SMPX: variants seen among roughly 807,000 people sequenced by gnomAD.
SMPX encodes the protein small muscle protein X-linked.
In SMPX, 2 loss-of-function variants were observed where a neutral mutation model predicts 6.3. The ratio of observed to expected loss-of-function variants is 0.32; its 90% confidence interval spans 0.13 to 0.99. The LOEUF (loss-of-function observed/expected upper bound fraction) is 0.99. Among genes scored for constraint, SMPX ranks in the 50% least tolerant of loss-of-function variants. The probability of loss-of-function intolerance (pLI) is 0.49; values close to 1 mark genes in which losing one functional copy is unlikely to be tolerated. For synonymous variants in SMPX, 32 were observed against 24.7 expected (o/e 1.30, Z -0.88); for missense variants, 60 against 66.8 (o/e 0.90, Z 0.36).
chrX:21,732,297 C>T (rs193009884), intron 4 of SMPX, among the ~76,000 whole-genome samples: 2 of 112,386 alleles, frequency 1.8e-5, no homozygotes, highest in Admixed American at 9.4e-5. Context: ...CTGGTTTACA[C>T]GTCTTTCTCC....
rs200226400 is a variant in SMPX, at chrX:21,731,707, TATGTGTATATGTACACATTA to T, written c.*14+5822_*14+5841del. Among the ~76,000 whole-genome samples the T allele has an allele frequency of 2.0e-3, 205 of 102,361 alleles. 2 individuals carry two copies. The highest frequency in any genetic ancestry group is 0.011 in the Middle Eastern group (2 of 178). 88.9% of individuals were successfully genotyped at this position (102,361 alleles called of 115,157 possible). A position where few individuals can be genotyped will look rare whatever the true frequency, so the allele number is the denominator to read the frequency against. On this transcript the variant is annotated intron_variant, in intron 4 of 4. Coordinates refer to ENST00000379494, the MANE Select transcript of SMPX (RefSeq NM_014332.3). Reference sequence around the variant, plus strand: ...GTGTACATGTACACATAAATGTGTATATGTGTATATGTACACATTAATGTGTATATGTGTATATGTACACA... The same window carrying T: ...GTGTACATGTACACATAAATGTGTATATGTGTATATGTGTATATGTACACA...
intron 2 of SMPX, 96 bp downstream of exon 2, chrX:21,754,150 A>G: frequency 2.6e-6 from 2 of 769,838 alleles, no homozygotes; most frequent in Non-Finnish European, 4.1e-6. Context: ...TGAAGAACTT[A>G]ATTTTCTTCT....
rs143436150 is a variant in SMPX at position 21,718,229 on chromosome X, C to T, written c.*15-11835G>A. 5.7e-3 allele frequency among the ~76,000 whole-genome samples: 637 copies of T among 112,443 alleles called. 1 individual carries two copies. The highest frequency in any genetic ancestry group is 9.8e-3 in the Non-Finnish European group (524 of 53,291). On this transcript the variant is annotated intron_variant, in intron 4 of 4. Coordinates refer to ENST00000379494, the MANE Select transcript of SMPX (RefSeq NM_014332.3). ...GGCCATTAATGCTCCAATTGTTCAG[C>T]GAGGTCACCTGTGTGACAGCAACAA...
chrX:21,717,562 T>C (rs1190210213), intron 4 of SMPX, among the ~76,000 whole-genome samples: 3 of 112,649 alleles, frequency 2.7e-5, no homozygotes, highest in Non-Finnish European at 5.6e-5. Context: ...GCAGAATTCC[T>C]AGTTTTATAT....
chrX:21,706,373 T>C lies in SMPX; in HGVS notation c.*36A>G, dbSNP rs955594280. 2.9e-5 allele frequency: 12 copies of C among 414,614 alleles called. No homozygotes were observed. The highest frequency in any genetic ancestry group is 5.2e-5 in the Non-Finnish European group (12 of 230,980). 34.2% of individuals were successfully genotyped at this position (414,614 alleles called of 1,213,427 possible). ...TGAGCTATTGAATCCATCTTCTGCC[T>C]CTTTATTTCTTCACATCAATCCTGA... On this transcript the variant is annotated 3_prime_UTR_variant, in exon 5 of 5. Transcript: ENST00000379494.
Position 21,733,526 on chromosome X carries a change from C to A in SMPX, c.*14+4023G>T, listed in dbSNP as rs2092807189. ...CATGTGGCCATGCTGCAATGTCCAACACAGACAGAAGGGATTCTTGAAACT... is the reference window on the plus strand; with the variant it reads ...CATGTGGCCATGCTGCAATGTCCAAAACAGACAGAAGGGATTCTTGAAACT... On this transcript the variant is annotated intron_variant, in intron 4 of 4. Coordinates refer to ENST00000379494, the MANE Select transcript of SMPX (RefSeq NM_014332.3). 5.6e-5 allele frequency: 14 copies of A among 248,520 alleles called. 1 individual carries two copies. Among genetic ancestry groups the A allele is most frequent in the Non-Finnish European group, 1.0e-4 (14 of 133,752 alleles). The allele number at this position is 248,520 out of a possible 1,213,427, so 20.5% of individuals were successfully genotyped here. A position where few individuals can be genotyped will look rare whatever the true frequency, so the allele number is the denominator to read the frequency against.
Position 21,706,000 on chromosome X carries a change from A to T in SMPX, c.*409T>A, listed in dbSNP as rs1306421882. On this transcript the variant is annotated 3_prime_UTR_variant, in exon 5 of 5. Coordinates refer to ENST00000379494, the MANE Select transcript of SMPX (RefSeq NM_014332.3). ...ACATTTTACATTTAGTCAAATATTT[A>T]TTTGAACTCATACAAAGTTTAGTGA... 2 of 469,188 alleles carry T rather than the reference A, an allele frequency of 4.3e-6. No individual in the cohort carries two copies. Among genetic ancestry groups the T allele is most frequent in the Non-Finnish European group, 7.5e-6 (2 of 267,661 alleles). 38.7% of individuals were successfully genotyped at this position (469,188 alleles called of 1,213,427 possible). A position where few individuals can be genotyped will look rare whatever the true frequency, so the allele number is the denominator to read the frequency against.
At chrX:21,743,366 T>TG (rs1190531244) in intron 3 of SMPX, among the ~76,000 whole-genome samples, 1 of 111,259 alleles carries the variant, frequency 9.0e-6, no homozygotes, top group Non-Finnish European at 1.9e-5. Flanking sequence ...TAGTGACTAC[T>TG]GCTAGACGAA....
At chrX:21,718,675 C>G (rs994141574) in intron 4 of SMPX, among the ~76,000 whole-genome samples, 2 of 111,762 alleles carry the variant, frequency 1.8e-5, no homozygotes, top group African/African-American at 6.5e-5. Flanking sequence ...GGGAAATAAG[C>G]CTTGTGAGGG....
intron 2 of SMPX, among the ~76,000 whole-genome samples, chrX:21,751,293 TC>T (rs1242840927): frequency 8.9e-6 from 1 of 112,258 alleles, no homozygotes; most frequent in Non-Finnish European, 1.9e-5. Flanking sequence ...TATATTAGCC[TC>T]TAATCTAATT....
At chrX:21,710,668 A>C (rs775690813) in intron 4 of SMPX, among the ~76,000 whole-genome samples, 3 of 111,694 alleles carry the variant, frequency 2.7e-5, no homozygotes, top group African/African-American at 9.8e-5. Context: ...ACATAACATT[A>C]GCCCCAGGGG....
intron 2 of SMPX, among the ~76,000 whole-genome samples, chrX:21,748,483 A>G (rs1425168740): frequency 8.9e-6 from 1 of 111,904 alleles, no homozygotes; most frequent in African/African-American, 3.3e-5. Flanking sequence ...GGCAGGTTGT[A>G]TTCCTGAAGT....
intron 1 of SMPX, among the ~76,000 whole-genome samples, chrX:21,756,262 G>A (rs182621017): frequency 7.9e-4 from 89 of 112,210 alleles, no homozygotes; most frequent in African/African-American, 2.6e-3. Context: ...AAGTTGAAAT[G>A]TTTTTTAAAA....
At chrX:21,721,329 A>G (rs747503315) in intron 4 of SMPX, among the ~76,000 whole-genome samples, 4 of 111,927 alleles carry the variant, frequency 3.6e-5, no homozygotes, top group Non-Finnish European at 5.6e-5. Context: ...TGAACTTAGT[A>G]TCTCTTTCCC....
At chrX:21,733,245 A>T (rs1484017217) in intron 4 of SMPX, among the ~76,000 whole-genome samples, 4 of 111,584 alleles carry the variant, frequency 3.6e-5, no homozygotes, top group African/African-American at 1.3e-4. Context: ...GATTATTCCA[A>T]CTCATTCTCA....
intron 2 of SMPX, among the ~76,000 whole-genome samples, chrX:21,752,082 G>A (rs939153010): frequency 7.1e-5 from 8 of 112,534 alleles, no homozygotes; most frequent in Admixed American, 1.9e-4. Context: ...ATAAGGAACC[G>A]CTGTATTGCC....
At chrX:21,733,897 A>AT (rs2092807755) in intron 4 of SMPX, 1 of 233,178 alleles carries the variant, frequency 4.3e-6, no homozygotes, top group East Asian at 1.2e-4. Flanking sequence ...TGGACACTCC[A>AT]TTTGTCCAGA....
chrX:21,729,773 C>A (rs1401134458), intron 4 of SMPX, among the ~76,000 whole-genome samples: 1 of 107,717 alleles, frequency 9.3e-6, no homozygotes, highest in Non-Finnish European at 1.9e-5. Flanking sequence ...ATAATTCACA[C>A]ACTAGACCCT....
intron 4 of SMPX, among the ~76,000 whole-genome samples, chrX:21,736,126 T>G (rs996959845): frequency 8.9e-6 from 1 of 112,411 alleles, no homozygotes; most frequent in Non-Finnish European, 1.9e-5. Context: ...GCTCCTCTCT[T>G]TCTCTAACTA....
Sources: allele counts gnomAD v4.1 joint callset (sites outside exome capture counted in the v4.1 genomes callset), GRCh38; gene constraint gnomAD v4.1.1; transcripts MANE v1.5; gene names NCBI Gene and HGNC (gene_info 2026-07-23, HGNC 2026-07-21).